Variants in CERS3 observed in about 807,000 individuals in gnomAD.
CERS3 encodes ceramide synthase 3, also known as LAG1 homolog, ceramide synthase 3.
CERS3 carries 33 observed loss-of-function variants against 50.3 expected under a neutral mutation model. The observed-to-expected ratio is 0.66, with a 90% confidence interval of 0.50 to 0.88. The LOEUF (loss-of-function observed/expected upper bound fraction) is 0.88, where lower values mean the gene tolerates loss of function less well. Ranked by LOEUF, CERS3 falls within the 40% of genes least tolerant of loss-of-function variation. The pLI, the probability that CERS3 is intolerant of heterozygous loss-of-function variation, is 0.00. For synonymous variants in CERS3, 176 were observed against 155.2 expected, an observed-to-expected ratio of 1.13 and a Z score of -0.99; for missense variants, 470 against 460.3, an observed-to-expected ratio of 1.02 and a Z score of -0.19.
intron 11 of CERS3, among the ~76,000 whole-genome samples, chr15:100,429,748 G>A (rs1045944444): frequency 6.6e-6 from 1 of 152,214 alleles, no homozygotes; most frequent in South Asian, 2.1e-4. Flanking sequence ...TTCACCATCT[G>A]TGTTTCTTAA....
intron 11 of CERS3, among the ~76,000 whole-genome samples, chr15:100,442,665 C>A (rs1429119380): frequency 7.2e-5 from 11 of 152,162 alleles, no homozygotes; most frequent in Admixed American, 6.5e-4. Flanking sequence ...TCAGACTGTT[C>A]AACTCACCTG....
chr15:100,479,529 G>T (rs1274382600), intron 6 of CERS3, 51 bp from the exon 7 acceptor site: 26 of 1,425,218 alleles, frequency 1.8e-5, no homozygotes, highest in Non-Finnish European at 2.4e-5. Context: ...AAATTGGTCG[G>T]TGTCAAAGGT....
chr15:100,514,609 C>T (rs2036441375), intron 2 of CERS3, among the ~76,000 whole-genome samples: 2 of 152,082 alleles, frequency 1.3e-5, no homozygotes, highest in Admixed American at 6.6e-5. Context: ...GAAATATTAA[C>T]TCCAGATAAT....
chr15:100,531,434 CG>C (rs1567688036), upstream of CERS3, among the ~76,000 whole-genome samples: 1 of 151,898 alleles, frequency 6.6e-6, no homozygotes, highest in Non-Finnish European at 1.5e-5. Flanking sequence ...GTGAGGAACT[CG>C]GAGGGTTTGC....
intron 11 of CERS3, among the ~76,000 whole-genome samples, chr15:100,411,474 T>C (rs958524696): frequency 6.6e-6 from 1 of 152,184 alleles, no homozygotes; most frequent in Non-Finnish European, 1.5e-5. Flanking sequence ...ATTTCCTTCC[T>C]TTTAAAGGCT....
chr15:100,420,462 T>C (rs1171735323), intron 11 of CERS3, among the ~76,000 whole-genome samples: 1 of 152,084 alleles, frequency 6.6e-6, no homozygotes. Flanking sequence ...CCAAAAAGTG[T>C]CCAGGACCAG....
At chr15:100,448,585 A>G (rs78082417) in intron 11 of CERS3, among the ~76,000 whole-genome samples, 2,583 of 152,302 alleles carry the variant, frequency 0.017, 32 homozygotes, top group East Asian at 0.034. Flanking sequence ...CCTGAGTCCT[A>G]AGCAGCTACA....
intron 2 of CERS3, among the ~76,000 whole-genome samples, chr15:100,508,332 G>C (rs947432756): frequency 6.6e-6 from 1 of 152,010 alleles, no homozygotes; most frequent in South Asian, 2.1e-4. Flanking sequence ...TTTTTTCCGT[G>C]TAAAGGAGGC....
chr15:100,469,820 T>C (rs994946289), intron 9 of CERS3, among the ~76,000 whole-genome samples: 1 of 152,200 alleles, frequency 6.6e-6, no homozygotes, highest in Non-Finnish European at 1.5e-5. Context: ...GCACTTCATG[T>C]GGGCATTTAT....
chr15:100,502,050 T>C (rs1432799920), intron 2 of CERS3, among the ~76,000 whole-genome samples, 200 bp from the exon 3 acceptor site: 1 of 151,784 alleles, frequency 6.6e-6, no homozygotes, highest in Non-Finnish European at 1.5e-5. Flanking sequence ...ATCAAGTCCA[T>C]CCTGGCCAAC....
In CERS3 at chr15:100,542,858, T is replaced by A. The variant is rs376678186; in HGVS notation, c.-355+1793A>T. On this transcript the variant is annotated intron_variant, in intron 1 of 12. Transcript: ENST00000284382. Reference sequence around the variant, plus strand: ...CTGAAACCACATTTTCATAAAATAATACTTATCTATGCTATCTGTTTGTGA... The same window carrying A: ...CTGAAACCACATTTTCATAAAATAAAACTTATCTATGCTATCTGTTTGTGA... Among the ~76,000 whole-genome samples, 41 of 152,304 alleles carry A rather than the reference T, an allele frequency of 2.7e-4. No homozygotes were observed. The South Asian group carries it at 8.1e-3, about 30-fold the overall frequency.
Position 100,433,081 on chromosome 15 carries a change from A to G in CERS3, c.999+22812T>C, listed in dbSNP as rs1322447142. Among the ~76,000 whole-genome samples, 7 of 152,156 alleles carry G rather than the reference A, an allele frequency of 4.6e-5. No homozygotes were observed. The East Asian group carries it at 5.8e-4, about 13-fold the overall frequency. On this transcript the variant is annotated intron_variant, in intron 11 of 11. Coordinates refer to ENST00000679737, the MANE Select transcript of CERS3 (RefSeq NM_001378789.1). ...GAAACCCCATCTCTACTAAAAATACAAAGAATCAGCCAGGTGTGGTGGCGG... is the reference window on the plus strand; with the variant it reads ...GAAACCCCATCTCTACTAAAAATACGAAGAATCAGCCAGGTGTGGTGGCGG...
chr15:100,460,317 C>T (rs566876770), intron 10 of CERS3, among the ~76,000 whole-genome samples: 2 of 152,144 alleles, frequency 1.3e-5, no homozygotes, highest in Non-Finnish European at 2.9e-5. Flanking sequence ...TAAACCATTA[C>T]TGAGCACCTA....
In CERS3 at chr15:100,483,787, A is replaced by ATTATTATTTT. The variant is rs760594142; in HGVS notation, c.407+762_407+763insAAAATAATAA. Among the ~76,000 whole-genome samples, 187 of 100,010 alleles carry ATTATTATTTT rather than the reference A, an allele frequency of 1.9e-3. 1 individual carries two copies. The highest frequency in any genetic ancestry group is 6.8e-3 in the East Asian group (21 of 3,098). 65.6% of individuals were successfully genotyped at this position (100,010 alleles called of 152,430 possible). A position where few individuals can be genotyped will look rare whatever the true frequency, so the allele number is the denominator to read the frequency against. On this transcript the variant is annotated intron_variant, in intron 5 of 11. Coordinates refer to ENST00000679737, the MANE Select transcript of CERS3 (RefSeq NM_001378789.1). ...AATAATAATAATAATTATTATTATT[A>ATTATTATTTT]TTTTTTTTTTTGAGACAGAGTCTTG...
intron 11 of CERS3, among the ~76,000 whole-genome samples, chr15:100,444,108 A>G (rs2033825325): frequency 6.6e-6 from 1 of 152,104 alleles, no homozygotes; most frequent in African/African-American, 2.4e-5. Flanking sequence ...TGTCCAAACA[A>G]CTTGACCTTA....
intron 11 of CERS3, among the ~76,000 whole-genome samples, chr15:100,415,214 C>G (rs2031807071): frequency 6.6e-6 from 1 of 152,164 alleles, no homozygotes; most frequent in Non-Finnish European, 1.5e-5. Flanking sequence ...AAATCAAAAT[C>G]ACAATGAGAT....
At chr15:100,445,601 C>G (rs1161112147) in intron 11 of CERS3, among the ~76,000 whole-genome samples, 1 of 152,160 alleles carries the variant, frequency 6.6e-6, no homozygotes, top group Non-Finnish European at 1.5e-5. Context: ...AACAACCGCA[C>G]AATATCACCC....
chr15:100,407,869 A>T (rs935488236), intron 11 of CERS3, among the ~76,000 whole-genome samples: 5 of 152,234 alleles, frequency 3.3e-5, no homozygotes, highest in East Asian at 1.9e-4. Context: ...ATTTATTTTT[A>T]AAAATTATTT....
At chr15:100,463,435 G>GAAAAAA (rs71151951) in intron 10 of CERS3, among the ~76,000 whole-genome samples, 1 of 92,650 alleles carries the variant, frequency 1.1e-5, no homozygotes, top group African/African-American at 4.4e-5. Context: ...CTCTGTCTCA[G>GAAAAAA]AAAAAAAAAA....
Sources: gnomAD v4.1 joint callset for allele counts (sites outside exome capture counted in the v4.1 genomes callset) on GRCh38, gnomAD v4.1.1 for gene constraint, MANE v1.5 for transcripts, NCBI Gene and HGNC (gene_info 2026-07-23, HGNC 2026-07-21) for gene names.